The following SLC38A6 variants were observed in gnomAD, a reference collection of about 807,000 sequenced individuals.
SLC38A6 encodes solute carrier family 38 member 6.
A neutral mutation model predicts 65.0 loss-of-function variants in SLC38A6; 73 were observed. The observed-to-expected ratio is 1.12, with a 90% CI of 0.93 to 1.37. The LOEUF (loss-of-function observed/expected upper bound fraction) is 1.37, where lower values mean the gene tolerates loss of function less well. Among genes scored for constraint, SLC38A6 ranks in the 40% most tolerant of loss-of-function variants. The probability of loss-of-function intolerance (pLI) is 0.00; values close to 1 mark genes in which losing one functional copy is unlikely to be tolerated. For synonymous variants in SLC38A6, 183 were observed against 178.8 expected, an observed-to-expected ratio of 1.02 and a Z score of -0.19; for missense variants, 561 against 531.1, an observed-to-expected ratio of 1.06 and a Z score of -0.55.
At chr14:61,049,819 T>A (rs1434378611) in intron 12 of SLC38A6, among the ~76,000 whole-genome samples, 1 of 152,144 alleles carries the variant, frequency 6.6e-6, no homozygotes, top group East Asian at 1.9e-4. Flanking sequence ...CCCTCAGTCT[T>A]CTTTCCCCTT....
At chr14:61,054,664 C>G (rs1000281081), downstream of SLC38A6, among the ~76,000 whole-genome samples, 1 of 152,018 alleles carries the variant, frequency 6.6e-6, no homozygotes, top group African/African-American at 2.4e-5. Flanking sequence ...TGATTTGGCT[C>G]TCAGTTTGGT....
At chr14:61,051,645 A>G in intron 13 of SLC38A6, 142 bp from the exon 14 acceptor site, 6 of 810,780 alleles carry the variant, frequency 7.4e-6, no homozygotes, top group Non-Finnish European at 3.8e-6. Context: ...TAAATACTTT[A>G]TAATAATAGT....
chr14:61,043,924 G>A (rs2041972643), intron 10 of SLC38A6, among the ~76,000 whole-genome samples: 1 of 152,042 alleles, frequency 6.6e-6, no homozygotes, highest in Admixed American at 6.5e-5. Context: ...CCTCATCATT[G>A]GACTAGGGAT....
chr14:60,998,229 A>C (rs1165958656), intron 3 of SLC38A6, among the ~76,000 whole-genome samples: 2 of 151,914 alleles, frequency 1.3e-5, no homozygotes, highest in Non-Finnish European at 2.9e-5. Context: ...CATGGCCCTA[A>C]TTGGGAACAG....
At chr14:61,081,333 C>T (rs775566556) in intron 16 of SLC38A6, among the ~76,000 whole-genome samples, 1 of 94,744 alleles carries the variant, frequency 1.1e-5, no homozygotes, top group Non-Finnish European at 2.7e-5. Context: ...TGGGTCATTG[C>T]TTGAACTGTC....
chr14:61,003,246 T>C (rs766157360), intron 3 of SLC38A6, among the ~76,000 whole-genome samples: 2 of 152,116 alleles, frequency 1.3e-5, no homozygotes, highest in Non-Finnish European at 1.5e-5. Context: ...AGAAAAAAGT[T>C]TGTGACCATT....
intron 3 of SLC38A6, among the ~76,000 whole-genome samples, chr14:61,014,241 C>T (rs531705331): frequency 2.4e-4 from 37 of 152,246 alleles, no homozygotes; most frequent in Non-Finnish European, 2.9e-5. Context: ...CCATCAGGTC[C>T]TTTAGGGACT....
chr14:61,035,381 T>C (rs1387638535), intron 6 of SLC38A6, among the ~76,000 whole-genome samples: 1 of 152,186 alleles, frequency 6.6e-6, no homozygotes, highest in Non-Finnish European at 1.5e-5. Context: ...TTTTATTCAT[T>C]GTGTTTTTTC....
intron 3 of SLC38A6, among the ~76,000 whole-genome samples, chr14:60,987,808 G>C (rs1332019074): frequency 1.3e-5 from 2 of 152,164 alleles, no homozygotes; most frequent in Non-Finnish European, 2.9e-5. Flanking sequence ...CTAGAACTCT[G>C]CATACCTCTG....
At chr14:61,004,085 T>A (rs1046716418) in intron 3 of SLC38A6, among the ~76,000 whole-genome samples, 1 of 152,192 alleles carries the variant, frequency 6.6e-6, no homozygotes, top group East Asian at 1.9e-4. Flanking sequence ...ACTGTTAGTT[T>A]GATTACATTT....
intron 15 of SLC38A6, among the ~76,000 whole-genome samples, chr14:61,076,753 C>T (rs2139989153): frequency 1.3e-5 from 2 of 152,296 alleles, no homozygotes; most frequent in South Asian, 4.1e-4. Context: ...CTTGTGTCCT[C>T]TTGAGTCATG....
intron 3 of SLC38A6, among the ~76,000 whole-genome samples, chr14:61,011,068 G>A (rs905969800): frequency 6.6e-5 from 10 of 152,230 alleles, no homozygotes; most frequent in African/African-American, 2.4e-4. Flanking sequence ...TTGAGCAGTG[G>A]TTTGTAGTTC....
chr14:61,055,356 G>A (rs1366971390), downstream of SLC38A6, among the ~76,000 whole-genome samples: 6 of 27,952 alleles, frequency 2.1e-4, no homozygotes, highest in Admixed American at 2.2e-3. Flanking sequence ...CTATGAGTGA[G>A]AATATGCGGT....
intron 3 of SLC38A6, among the ~76,000 whole-genome samples, chr14:60,989,146 C>G (rs1297361052): frequency 6.6e-6 from 1 of 152,156 alleles, no homozygotes; most frequent in African/African-American, 2.4e-5. Flanking sequence ...ATTTTATAAG[C>G]TCTTGCCACC....
At chr14:61,044,343 G>A (rs1463035775) in intron 10 of SLC38A6, among the ~76,000 whole-genome samples, 1 of 152,120 alleles carries the variant, frequency 6.6e-6, no homozygotes, top group Non-Finnish European at 1.5e-5. Context: ...GTCCCAAAAG[G>A]GAGATTACCA....
At position 60,981,395 on chromosome 14, in the gene SLC38A6, T is replaced by C. The variant is rs1274813981; in HGVS notation, c.105+13T>C. 6.3e-7 allele frequency: 1 copy of C among 1,579,826 alleles called. No individual in the cohort carries two copies. The highest frequency in any genetic ancestry group is 8.6e-7 in the Non-Finnish European group (1 of 1,162,766). On this transcript the variant is annotated intron_variant, in intron 1 of 15. Coordinates refer to ENST00000267488, the MANE Select transcript of SLC38A6 (RefSeq NM_153811.3). ...GTTGCTAAGCAACGTAAGTGGGCTG[T>C]GTTCGCTTCCCCGCGCTGACGCCCT...
intron 3 of SLC38A6, among the ~76,000 whole-genome samples, chr14:60,998,097 G>A (rs919719664): frequency 6.6e-6 from 1 of 151,334 alleles, no homozygotes; most frequent in Non-Finnish European, 1.5e-5. Context: ...GTTTAAATAT[G>A]TATAAGGCAT....
intron 5 of SLC38A6, among the ~76,000 whole-genome samples, chr14:61,024,502 A>AT (rs1341880043): frequency 6.6e-6 from 1 of 152,200 alleles, no homozygotes. Flanking sequence ...TTAACATTTA[A>AT]TGCTGTTATA....
intron 3 of SLC38A6, among the ~76,000 whole-genome samples, chr14:61,004,039 T>A (rs186363314): frequency 3.2e-4 from 49 of 152,280 alleles, no homozygotes; most frequent in Admixed American, 1.7e-3. Context: ...TGTATCCCAT[T>A]ATTGTCAGAG....
Sources: allele counts gnomAD v4.1 joint callset (sites outside exome capture counted in the v4.1 genomes callset), GRCh38; gene constraint gnomAD v4.1.1; transcripts MANE v1.5; gene names NCBI Gene and HGNC (gene_info 2026-07-23, HGNC 2026-07-21).